Variants in MACROD2 observed in about 807,000 individuals in gnomAD.
The protein encoded by MACROD2 is ADP-ribose glycohydrolase MACROD2.
A neutral mutation model predicts 70.4 loss-of-function variants in MACROD2; 36 were observed. That is an observed-to-expected ratio of 0.51 (90% confidence interval 0.39 to 0.68). MACROD2 has a LOEUF of 0.68. Ranked by LOEUF, MACROD2 falls within the 30% of genes least tolerant of loss-of-function variation. The pLI is 0.00. For synonymous variants in MACROD2, 172 were observed against 178.8 expected (o/e 0.96, Z 0.30); for missense variants, 496 against 538.4 (o/e 0.92, Z 0.78).
At chr20:14,636,181 G>C (rs1453570796) in intron 4 of MACROD2, among the ~76,000 whole-genome samples, 1 of 152,078 alleles carries the variant, frequency 6.6e-6, no homozygotes, top group East Asian at 1.9e-4. Context: ...ATGTGATAAT[G>C]AATGGAATAG....
chr20:14,710,824 G>C (rs2071329879), intron 5 of MACROD2, among the ~76,000 whole-genome samples: 1 of 152,086 alleles, frequency 6.6e-6, no homozygotes, highest in Admixed American at 6.6e-5. Flanking sequence ...ACATGCAACT[G>C]CACTGGGTCA....
intron 4 of MACROD2, among the ~76,000 whole-genome samples, chr20:14,558,571 A>G (rs1392642411): frequency 1.3e-5 from 2 of 151,786 alleles, no homozygotes. Flanking sequence ...AGAGGAGAGA[A>G]ACATTATTAG....
chr20:14,167,566 T>G (rs2042678922), intron 3 of MACROD2, among the ~76,000 whole-genome samples: 1 of 151,824 alleles, frequency 6.6e-6, no homozygotes, highest in Admixed American at 6.6e-5. Context: ...GTGCTTTTTT[T>G]TTTAGTAGAG....
chr20:14,931,253 T>A (rs567256813), intron 5 of MACROD2, among the ~76,000 whole-genome samples: 1 of 152,182 alleles, frequency 6.6e-6, no homozygotes, highest in South Asian at 2.1e-4. Flanking sequence ...TATAGAAGAC[T>A]TATATACAGA....
intron 8 of MACROD2, among the ~76,000 whole-genome samples, chr20:15,717,919 C>T (rs1233700880): frequency 6.6e-6 from 1 of 151,856 alleles, no homozygotes; most frequent in Non-Finnish European, 1.5e-5. Context: ...TGGTTGGACA[C>T]AGAAAGGCTG....
chr20:14,491,118 T>C (rs1489363576), intron 3 of MACROD2, among the ~76,000 whole-genome samples: 1 of 152,196 alleles, frequency 6.6e-6, no homozygotes, highest in Non-Finnish European at 1.5e-5. Flanking sequence ...AACGTGAAGC[T>C]ACCTGACTAA....
intron 8 of MACROD2, among the ~76,000 whole-genome samples, chr20:15,575,906 A>C (rs1184750263): frequency 6.6e-6 from 1 of 152,116 alleles, no homozygotes; most frequent in Non-Finnish European, 1.5e-5. Context: ...ATTGGCTTAA[A>C]CTTGTTTACT....
At chr20:14,192,576 G>A (rs1236761388) in intron 3 of MACROD2, among the ~76,000 whole-genome samples, 1 of 152,108 alleles carries the variant, frequency 6.6e-6, no homozygotes, top group Admixed American at 6.5e-5. Context: ...GCTGTTTAGG[G>A]ACTTTGGCCA....
chr20:14,596,545 C>CT (rs1982158799), intron 4 of MACROD2, among the ~76,000 whole-genome samples: 1 of 151,168 alleles, frequency 6.6e-6, no homozygotes, highest in Admixed American at 6.6e-5. Context: ...TTATTATGGC[C>CT]TTTTTAAAAT....
At chr20:15,642,616 A>T (rs1240567840) in intron 8 of MACROD2, among the ~76,000 whole-genome samples, 13 of 151,216 alleles carry the variant, frequency 8.6e-5, no homozygotes, top group African/African-American at 3.2e-4. Context: ...ACACACACAC[A>T]CACACACACA....
chr20:14,491,023 C>T (rs1291308427), intron 3 of MACROD2, among the ~76,000 whole-genome samples: 1 of 152,100 alleles, frequency 6.6e-6, no homozygotes, highest in Non-Finnish European at 1.5e-5. Flanking sequence ...ATATCTCAAT[C>T]TATTGGAGAT....
chr20:14,796,554 G>A (rs2072511885), intron 5 of MACROD2, among the ~76,000 whole-genome samples: 1 of 152,060 alleles, frequency 6.6e-6, no homozygotes, highest in Non-Finnish European at 1.5e-5. Flanking sequence ...CCTTATCGGA[G>A]GGCAAGCTGA....
chr20:14,662,850 A>G (rs1000089455), intron 4 of MACROD2, among the ~76,000 whole-genome samples: 8 of 152,070 alleles, frequency 5.3e-5, no homozygotes, highest in Non-Finnish European at 1.0e-4. Context: ...TGCTGGCAAG[A>G]TTGTGGAGAA....
intron 4 of MACROD2, among the ~76,000 whole-genome samples, chr20:14,633,932 C>G (rs1984646854): frequency 6.6e-6 from 1 of 152,196 alleles, no homozygotes; most frequent in Admixed American, 6.5e-5. Flanking sequence ...ATCTAATTTT[C>G]CTGCATAGAC....
chr20:14,785,973 A>G (rs1313309690), intron 5 of MACROD2, among the ~76,000 whole-genome samples: 2 of 152,088 alleles, frequency 1.3e-5, no homozygotes, highest in African/African-American at 4.8e-5. Context: ...GGCCACCTCT[A>G]TCAAAAAACA....
At chr20:15,974,052 G>A (rs1463409635) in intron 13 of MACROD2, among the ~76,000 whole-genome samples, 1 of 152,146 alleles carries the variant, frequency 6.6e-6, no homozygotes, top group Non-Finnish European at 1.5e-5. Context: ...TACTTAGCAG[G>A]GTAGTCCTTG....
intron 6 of MACROD2, among the ~76,000 whole-genome samples, chr20:15,248,858 GTCTTAGTTTCTGTTCTC>G (rs1244904759): frequency 6.6e-6 from 1 of 152,108 alleles, no homozygotes; most frequent in Non-Finnish European, 1.5e-5. Context: ...CATATCCTTT[GTCTTAGTTTCTGTTCTC>G]TCTGAAGCAA....
At chr20:15,044,134 G>A (rs546716996) in intron 5 of MACROD2, among the ~76,000 whole-genome samples, 1 of 152,142 alleles carries the variant, frequency 6.6e-6, no homozygotes, top group African/African-American at 2.4e-5. Flanking sequence ...GGGCTGAAAG[G>A]TGCCAACCCT....
intron 3 of MACROD2, among the ~76,000 whole-genome samples, chr20:14,394,656 C>A (rs2083562899): frequency 6.6e-6 from 1 of 152,130 alleles, no homozygotes; most frequent in African/African-American, 2.4e-5. Flanking sequence ...GAGGAGACAT[C>A]CTTGCCTTGT....
Sources: gnomAD v4.1 joint callset for allele counts (sites outside exome capture counted in the v4.1 genomes callset) on GRCh38, gnomAD v4.1.1 for gene constraint, MANE v1.5 for transcripts, NCBI Gene and HGNC (gene_info 2026-07-23, HGNC 2026-07-21) for gene names.